PHC3: variants seen among roughly 807,000 people sequenced by gnomAD.
The protein encoded by PHC3 is polyhomeotic-like protein 3.
PHC3 carries 13 observed loss-of-function variants against 107.4 expected under a neutral mutation model. The ratio of observed to expected loss-of-function variants is 0.12; its 90% confidence interval spans 0.08 to 0.19. The LOEUF (loss-of-function observed/expected upper bound fraction) is 0.19, where lower values mean the gene tolerates loss of function less well. PHC3 is among the 10% of genes least tolerant of loss of function. The pLI is 1.00. For missense variants in PHC3, 992 were observed against 1,210.9 expected (o/e 0.82, Z 2.68); for synonymous variants, 456 against 427.4 (o/e 1.07, Z -0.83).
intron 4 of PHC3, among the ~76,000 whole-genome samples, chr3:170,153,676 T>C (rs1726398231): frequency 6.7e-6 from 1 of 148,580 alleles, no homozygotes; most frequent in South Asian, 2.1e-4. Flanking sequence ...GGCAGGAGAA[T>C]GGCGTGAACC....
Position 170,117,425 on chromosome 3 carries a change from G to A in PHC3, c.1994C>T (p.Ser665Phe), listed in dbSNP as rs1719237156. The stretch of plus-strand genomic sequence containing the variant: ...AGAAACATGTGAGGGATCTGATGGA[G>A]ATTTAATTACTGAAGCACTGACTGA... ...VASVSASVIK[S>F]PSDPSHVSVP... The change falls in exon 10 of 15, where the codon TCT becomes TTT. Residue 665 changes from serine (S) to phenylalanine (F), a missense_variant. By Grantham distance (155) the Ser-to-Phe change is radical. Around this residue, in one of 6 missense-constraint regions of PHC3, gnomAD observed 543 missense variants for 590.8 expected, o/e 0.92. Transcript: ENST00000495893. 5 of 1,613,642 alleles carry A rather than the reference G, an allele frequency of 3.1e-6. No homozygotes were observed. The highest frequency in any genetic ancestry group is 4.2e-6 in the Non-Finnish European group (5 of 1,179,802).
At chr3:170,099,684 C>T (rs1576950214) in intron 14 of PHC3, among the ~76,000 whole-genome samples, 1 of 152,298 alleles carries the variant, frequency 6.6e-6, no homozygotes, top group East Asian at 1.9e-4. Context: ...TCTGGCATCA[C>T]TTCTCCAGCT....
chr3:170,114,899 T>C (rs1030044872), intron 10 of PHC3, among the ~76,000 whole-genome samples: 2 of 152,194 alleles, frequency 1.3e-5, no homozygotes, highest in African/African-American at 2.4e-5. Flanking sequence ...TTTTGTTCAT[T>C]TGAGTTAGAT....
chr3:170,113,231 G>T, intron 11 of PHC3, 129 bp downstream of exon 11: 1 of 788,592 alleles, frequency 1.3e-6, no homozygotes, highest in Non-Finnish European at 1.8e-6. Flanking sequence ...TTAGTCAAAT[G>T]GTGCATTATA....
intron 3 of PHC3, among the ~76,000 whole-genome samples, chr3:170,172,148 A>G (rs1013327175): frequency 6.6e-6 from 1 of 152,158 alleles, no homozygotes; most frequent in Non-Finnish European, 1.5e-5. Flanking sequence ...TAGACAGGGA[A>G]AAGGAACAGC....
At chr3:170,161,164 G>C (rs1186679274) in intron 4 of PHC3, among the ~76,000 whole-genome samples, 2 of 152,102 alleles carry the variant, frequency 1.3e-5, no homozygotes, top group African/African-American at 4.8e-5. Context: ...CATAATCCTA[G>C]ATTAACATCT....
rs1410723500 is a variant in PHC3, at chr3:170,088,398, TTAAAAGGC to T, written c.*8824_*8831del. ...AAGCAAGACGACAAAAAGTACTAAT[TTAAAAGGC>T]TTGAAATGCCTGCCACCATTGTCAG... On this transcript the variant is annotated 3_prime_UTR_variant, in exon 15 of 15. Transcript: ENST00000495893. 6.6e-6 allele frequency: 1 copy of T among 152,162 alleles called. No homozygotes were observed. Among genetic ancestry groups the T allele is most frequent in the Non-Finnish European group, 1.5e-5 (1 of 68,024 alleles). 9.4% of individuals were successfully genotyped at this position (152,162 alleles called of 1,614,324 possible).
rs142477519 is a variant in PHC3 at position 170,111,261 on chromosome 3, AGAAGGAAGGAAGGAAGGAAGGAAG to A, written c.2353+2075_2353+2098del. Among the ~76,000 whole-genome samples the A allele has an allele frequency of 6.7e-3, 815 of 121,372 alleles. 10 individuals carry two copies. Among genetic ancestry groups the A allele is most frequent in the Admixed American group, 0.02 (225 of 11,538 alleles). 79.6% of individuals were successfully genotyped at this position (121,372 alleles called of 152,430 possible). On this transcript the variant is annotated intron_variant, in intron 11 of 14. Transcript: ENST00000495893. ...GACTACGATTTTCTTTAAAACAAGA[AGAAGGAAGGAAGGAAGGAAGGAAG>A]GAAGGAAGGAAGGAAGGAAGGAAGG...
At position 170,178,787 on chromosome 3, in the gene PHC3, G is replaced by T. The variant is rs1397385089; in HGVS notation, c.166C>A (p.Arg56=). 1 of 1,613,936 alleles carries T rather than the reference G, an allele frequency of 6.2e-7. No individual in the cohort carries two copies. Among genetic ancestry groups the T allele is most frequent in the Non-Finnish European group, 8.5e-7 (1 of 1,179,860 alleles). The change falls in exon 2 of 15, where the codon CGA becomes AGA. Residue 56 remains arginine, a synonymous_variant. Coordinates refer to ENST00000495893, the MANE Select transcript of PHC3 (RefSeq NM_024947.4). ...AGCTGAAATACCTGTACAGCATGTC[G>T]GTCTGAACCACTGTAGACAGAGATC... ...PQISVYSGSD[R]HAVQVIQQAL...
intron 4 of PHC3, chr3:170,170,268 AT>A (rs1185077987): frequency 6.6e-6 from 1 of 151,774 alleles, no homozygotes; most frequent in Non-Finnish European, 1.5e-5. Flanking sequence ...AGGAAAAAAT[AT>A]CTAGAAAGGA....
At chr3:170,138,036 A>C (rs527505767) in intron 6 of PHC3, among the ~76,000 whole-genome samples, 2 of 150,342 alleles carry the variant, frequency 1.3e-5, no homozygotes, top group East Asian at 4.0e-4. Flanking sequence ...CTCTACTAAA[A>C]ATACACAAAT....
At chr3:170,176,810 T>A in intron 2 of PHC3, 2 of 426,654 alleles carry the variant, frequency 4.7e-6, no homozygotes, top group Non-Finnish European at 9.3e-6. Context: ...ACTTCATTAA[T>A]CTCAAAGATA....
chr3:170,150,092 GTTA>G (rs1725657179), intron 4 of PHC3: 1 of 152,098 alleles, frequency 6.6e-6, no homozygotes. Flanking sequence ...AATATGTATA[GTTA>G]TTATGTGTCA....
chr3:170,132,523 G>A (rs1287149529), intron 7 of PHC3, among the ~76,000 whole-genome samples: 1 of 152,162 alleles, frequency 6.6e-6, no homozygotes. Context: ...GCCCTGACAT[G>A]ACATGGTTTG....
rs113053070 is a variant in PHC3 at position 170,161,959 on chromosome 3, A to C, written c.414+9414T>G. Among the ~76,000 whole-genome samples, 1,008 of 152,322 alleles carry C rather than the reference A, an allele frequency of 6.6e-3. 10 individuals are homozygous for C. Among genetic ancestry groups the C allele is most frequent in the African/African-American group, 0.022 (920 of 41,586 alleles). ...AGGCTTCAACATATGAATATGGGGG[A>C]CATAATTCAGTCCATAGCATCATTT... On this transcript the variant is annotated intron_variant, in intron 4 of 14. Coordinates refer to ENST00000495893, the MANE Select transcript of PHC3 (RefSeq NM_024947.4).
chr3:170,129,038 A>G lies in PHC3; in HGVS notation c.1434T>C (p.Ile478=), dbSNP rs1721816061. 2 of 1,612,878 alleles carry G rather than the reference A, an allele frequency of 1.2e-6. No homozygotes were observed. Among genetic ancestry groups the G allele is most frequent in the Non-Finnish European group, 8.5e-7 (1 of 1,179,326 alleles). ...LPLPASPVVH[I]GPVQQSALVS... ...CCAAGGCAGACTGCTGAACTGGGCC[A>G]ATGTGTACAACAGGGGAAGCTGGAA... The change falls in exon 8 of 15, where the codon ATT becomes ATC. Residue 478 remains isoleucine, a synonymous_variant. Transcript: ENST00000495893.
At chr3:170,159,450 AT>A (rs1399609683) in intron 4 of PHC3, among the ~76,000 whole-genome samples, 1 of 152,124 alleles carries the variant, frequency 6.6e-6, no homozygotes, top group African/African-American at 2.4e-5. Context: ...TTAAGGAAAT[AT>A]CCCACACACA....
chr3:170,111,707 C>T (rs771616745), intron 11 of PHC3, among the ~76,000 whole-genome samples: 2 of 152,030 alleles, frequency 1.3e-5, no homozygotes, highest in Non-Finnish European at 2.9e-5. Context: ...ATACTCCTTG[C>T]TGTTCAAATA....
chr3:170,145,016 A>G (rs1265512736), intron 6 of PHC3, among the ~76,000 whole-genome samples: 1 of 152,174 alleles, frequency 6.6e-6, no homozygotes, highest in East Asian at 1.9e-4. Flanking sequence ...CCAATTTTTT[A>G]AATTTTAAAT....
Sources: allele counts gnomAD v4.1 joint callset (sites outside exome capture counted in the v4.1 genomes callset), GRCh38; gene constraint gnomAD v4.1.1; regional missense constraint gnomAD v4.1.1; transcripts MANE v1.5; gene names NCBI Gene and HGNC (gene_info 2026-07-23, HGNC 2026-07-21).